Variants in GUCA2A observed in about 807,000 individuals in gnomAD.
GUCA2A encodes the protein guanylin.
In GUCA2A, 17 loss-of-function variants were observed where a neutral mutation model predicts 11.2. That is an observed-to-expected ratio of 1.52 (90% CI 1.04 to 2.28). The LOEUF is 2.28. Among genes scored for constraint, GUCA2A ranks in the 30% most tolerant of loss-of-function variants. The pLI is 0.00. For synonymous variants in GUCA2A, 64 were observed against 57.1 expected (o/e 1.12, Z -0.54); for missense variants, 173 against 139.3 (o/e 1.24, Z -1.22).
chr1:42,163,082 G>A, intron 2 of GUCA2A, 112 bp from the exon 3 acceptor site: 2 of 849,504 alleles, frequency 2.4e-6, no homozygotes, highest in Non-Finnish European at 3.9e-6. Flanking sequence ...ATCTCAGCAG[G>A]CCCGTACTCT....
At position 42,164,722 on chromosome 1, in the gene GUCA2A, G is replaced by A. The variant is rs1475968979; in HGVS notation, c.-10C>T. The A allele has an allele frequency of 1.3e-6, 2 of 1,523,466 alleles. No individual in the cohort carries two copies. Among genetic ancestry groups the A allele is most frequent in the South Asian group, 2.4e-5 (2 of 83,632 alleles). The allele number at this position is 1,523,466 out of a possible 1,614,324, so 94.4% of individuals were successfully genotyped here. A position where few individuals can be genotyped will look rare whatever the true frequency, so the allele number is the denominator to read the frequency against. On this transcript the variant is annotated 5_prime_UTR_variant, in exon 1 of 3. Coordinates refer to ENST00000357001, the MANE Select transcript of GUCA2A (RefSeq NM_033553.3). ...GCAGGAAGGCATTCATGGCAGCAGT[G>A]CCCGAGAGAGGGGTGGCTGTTCTGG...
intron 1 of GUCA2A, among the ~76,000 whole-genome samples, 183 bp downstream of exon 1, chr1:42,164,455 T>A (rs1488027869): frequency 6.6e-6 from 1 of 152,214 alleles, no homozygotes; most frequent in Non-Finnish European, 1.5e-5. Context: ...GGTTTCTTTC[T>A]CCTCCAAAGT....
Position 42,163,538 on chromosome 1 carries a change from C to A in GUCA2A, c.148G>T (p.Val50Phe), listed in dbSNP as rs368412585. 1 of 1,613,838 alleles carries A rather than the reference C, an allele frequency of 6.2e-7. No homozygotes were observed. The highest frequency in any genetic ancestry group is 1.1e-5 in the South Asian group (1 of 91,064). ...KDLQEPQEPR[V>F]GKLRNFAPIP... ...GGTGCAAAGTTCCTGAGTTTCCCAA[C>A]CCTGGGCTCCTGGGGCTCCTGGAGG... Residue 50 changes from valine to phenylalanine, a missense_variant, in exon 2 of 3, where the codon GTT becomes TTT. Val to Phe is a conservative substitution (Grantham distance 50). Coordinates refer to ENST00000357001, the MANE Select transcript of GUCA2A (RefSeq NM_033553.3).
chr1:42,163,737 G>A (rs993934864), intron 1 of GUCA2A, 127 bp from the exon 2 acceptor site: 93 of 638,894 alleles, frequency 1.5e-4, no homozygotes, highest in Admixed American at 5.7e-5. Context: ...GGAGCCAGGC[G>A]ATCCACAGTG....
In GUCA2A at chr1:42,163,514, G is replaced by C. The variant is rs773944668; in HGVS notation, c.172C>G (p.Pro58Ala). The C allele has an allele frequency of 6.2e-7, 1 of 1,613,424 alleles. No individual in the cohort carries two copies. The highest frequency in any genetic ancestry group is 8.5e-7 in the Non-Finnish European group (1 of 1,179,320). Residue 58 changes from proline (P) to alanine (A), a missense_variant, in exon 2 of 3, where the codon CCC becomes GCC. Transcript: ENST00000357001. ...PRVGKLRNFA[P>A]IPGEPVVPIL... ...GGAACCACAGGTTCACCAGGGATGG[G>C]TGCAAAGTTCCTGAGTTTCCCAACC...
At chr1:42,163,113 C>A in intron 2 of GUCA2A, 143 bp from the exon 3 acceptor site, 2 of 696,764 alleles carry the variant, frequency 2.9e-6, no homozygotes, top group Non-Finnish European at 2.5e-6. Context: ...GCTTTTCGCC[C>A]CAAACCAGGG....
intron 2 of GUCA2A, 45 bp downstream of exon 2, chr1:42,163,358 A>T (rs1324440562): frequency 1.6e-6 from 2 of 1,242,808 alleles, no homozygotes; most frequent in East Asian, 2.3e-5. Context: ...GTGCCACCAC[A>T]GTATTCCCGA....
At position 42,162,902 on chromosome 1, in the gene GUCA2A, C is replaced by T. The variant is rs760554863; in HGVS notation, c.*4G>A. On this transcript the variant is annotated 3_prime_UTR_variant, in exon 3 of 3. Coordinates refer to ENST00000357001, the MANE Select transcript of GUCA2A (RefSeq NM_033553.3). ...GAGGGGAGGCAGGCAGTGGGCAAGC[C>T]CCCCTAGCATCCGGTACAGGCAGCG... The T allele has an allele frequency of 6.2e-7, 1 of 1,611,750 alleles. No homozygotes were observed. Among genetic ancestry groups the T allele is most frequent in the East Asian group, 2.2e-5 (1 of 44,858 alleles).
At chr1:42,163,774 C>A (rs1289504342) in intron 1 of GUCA2A, among the ~76,000 whole-genome samples, 164 bp from the exon 2 acceptor site, 1 of 152,186 alleles carries the variant, frequency 6.6e-6, no homozygotes, top group Non-Finnish European at 1.5e-5. Context: ...AGAGTTCAGG[C>A]CCCACGTCCT....
intron 1 of GUCA2A, among the ~76,000 whole-genome samples, chr1:42,164,187 T>G (rs1046330502): frequency 6.6e-6 from 1 of 152,222 alleles, no homozygotes; most frequent in Non-Finnish European, 1.5e-5. Flanking sequence ...GTCCATGTGG[T>G]TCCTGGGACC....
In GUCA2A at chr1:42,164,666, G is replaced by A. The variant is rs537495794; in HGVS notation, c.47C>T (p.Ala16Val). 7 of 1,550,812 alleles carry A rather than the reference G, an allele frequency of 4.5e-6. No individual in the cohort carries two copies. The African/African-American group carries it at 5.5e-5, about 12-fold the overall frequency. ...CACGGTGACCCCTCCTGCCAAGGCGGCCCAGGCCCCAAGGAGGCACAGTGC... is the reference window on the plus strand; with the variant it reads ...CACGGTGACCCCTCCTGCCAAGGCGACCCAGGCCCCAAGGAGGCACAGTGC... The part of the protein sequence containing the change: ...LSALCLLGAW[A>V]ALAGGVTVQD... The change falls in exon 1 of 3, where the codon GCC becomes GTC. Residue 16 changes from alanine to valine, a missense_variant. Coordinates refer to ENST00000357001, the MANE Select transcript of GUCA2A (RefSeq NM_033553.3).
At position 42,163,387 on chromosome 1, in the gene GUCA2A, GA is replaced by G; in HGVS notation, c.283+15del. The G allele has an allele frequency of 6.5e-7, 1 of 1,530,192 alleles. No individual in the cohort carries two copies. Among genetic ancestry groups the G allele is most frequent in the Non-Finnish European group, 9.1e-7 (1 of 1,103,768 alleles). The allele number at this position is 1,530,192 out of a possible 1,614,324, so 94.8% of individuals were successfully genotyped here. On this transcript the variant is annotated intron_variant, in intron 2 of 2. Coordinates refer to ENST00000357001, the MANE Select transcript of GUCA2A (RefSeq NM_033553.3). The stretch of plus-strand genomic sequence containing the variant: ...TTCCCGAACCCCACCAATCAGAGAG[GA>G]AGGAGGCTGCTCACCCAGCCTCTGA...
chr1:42,163,615 AAG>A lies in GUCA2A; in HGVS notation c.76-7_76-6del. ...AGAAAAGGAGAAATTTCCATCCTGG[AAG>A]AGAGAAGCCCAGAGCATGAGGCCAG... On this transcript the variant is annotated splice_region_variant and splice_polypyrimidine_tract_variant and intron_variant, in intron 1 of 2. Transcript: ENST00000357001. 1 of 1,600,830 alleles carries A rather than the reference AAG, an allele frequency of 6.2e-7. No homozygotes were observed. Among genetic ancestry groups the A allele is most frequent in the Non-Finnish European group, 8.5e-7 (1 of 1,170,236 alleles).
chr1:42,162,942 A>G lies in GUCA2A; in HGVS notation c.312T>C (p.Cys104=), dbSNP rs554707455. Residue 104 remains cysteine, a synonymous_variant, in exon 3 of 3, where the codon TGT becomes TGC. Transcript: ENST00000357001. ...TACAGGCAGCGTAGGCACAGATTTC[A>G]CATGTGCCCGGGTCCTCAGCGATTT... ...LEEIAEDPGT[C]EICAYAACTG... is the part of the protein sequence containing the mutation. 2 of 1,613,660 alleles carry G rather than the reference A, an allele frequency of 1.2e-6. No homozygotes were observed. Among genetic ancestry groups the G allele is most frequent in the South Asian group, 2.2e-5 (2 of 91,070 alleles).
rs182438227 is a variant in GUCA2A, at chr1:42,162,952, G to C, written c.302C>G (p.Pro101Arg). Residue 101 changes from proline (P) to arginine (R), a missense_variant, in exon 3 of 3, where the codon CCG becomes CGG. By Grantham distance (103) the Pro-to-Arg change is moderately radical (BLOSUM62 -2). Transcript: ENST00000357001. The part of the protein sequence containing the change: ...LQRLEEIAED[P>R]GTCEICAYAA... ...GTAGGCACAGATTTCACATGTGCCCGGGTCCTCAGCGATTTCCTCTGCACA... is the reference window on the plus strand; with the variant it reads ...GTAGGCACAGATTTCACATGTGCCCCGGTCCTCAGCGATTTCCTCTGCACA... 1.2e-6 allele frequency: 2 copies of C among 1,613,702 alleles called. No individual in the cohort carries two copies. The highest frequency in any genetic ancestry group is 1.7e-6 in the Non-Finnish European group (2 of 1,179,682).
rs150306931 is a variant in GUCA2A at position 42,163,634 on chromosome 1, T to C, written c.76-24A>G. 2.1e-4 allele frequency: 318 copies of C among 1,538,246 alleles called. 1 individual carries two copies. In the African/African-American group the frequency reaches 2.8e-3, roughly 14 times the overall value. On this transcript the variant is annotated intron_variant, in intron 1 of 2. Coordinates refer to ENST00000357001, the MANE Select transcript of GUCA2A (RefSeq NM_033553.3). ...TCCTGGAAGAGAGAAGCCCAGAGCA[T>C]GAGGCCAGGCTGCAGCCTGCTTCCT...
rs1569701120 is a variant in GUCA2A, at chr1:42,163,410, C to T, written c.276G>A (p.Gln92=). The change falls in exon 2 of 3, where the codon CAG becomes CAA. Residue 92 remains glutamine (Q), a synonymous_variant. Coordinates refer to ENST00000357001, the MANE Select transcript of GUCA2A (RefSeq NM_033553.3). ...CKEPNAQEIL[Q]RLEEIAEDPG... ...AGGAAGGAGGCTGCTCACCCAGCCT[C>T]TGAAGTATCTCCTGGGCATTGGGCT... The T allele has an allele frequency of 1.2e-6, 2 of 1,609,544 alleles. No individual in the cohort carries two copies. The highest frequency in any genetic ancestry group is 1.7e-6 in the Non-Finnish European group (2 of 1,175,820).
In GUCA2A at chr1:42,164,637, C is replaced by A; in HGVS notation, c.75+1G>T. On this transcript the variant is annotated splice_donor_variant, in intron 1 of 2. Coordinates refer to ENST00000357001, the MANE Select transcript of GUCA2A (RefSeq NM_033553.3). LOFTEE classifies it high-confidence loss of function. Reference sequence around the variant, plus strand: ...GGCCGGGGTAGGGACACAGGACTCACCTGCACGGTGACCCCTCCTGCCAAG... The same window carrying A: ...GGCCGGGGTAGGGACACAGGACTCAACTGCACGGTGACCCCTCCTGCCAAG... The A allele has an allele frequency of 6.5e-7, 1 of 1,541,306 alleles. No homozygotes were observed. The highest frequency in any genetic ancestry group is 8.8e-7 in the Non-Finnish European group (1 of 1,138,490).
chr1:42,162,961 G>T lies in GUCA2A; in HGVS notation c.293C>A (p.Ala98Asp). The T allele has an allele frequency of 6.2e-7, 1 of 1,613,618 alleles. No individual in the cohort carries two copies. The highest frequency in any genetic ancestry group is 8.5e-7 in the Non-Finnish European group (1 of 1,179,586). Reference sequence around the variant, plus strand: ...GATTTCACATGTGCCCGGGTCCTCAGCGATTTCCTCTGCACAACAGAGATG... The same window carrying T: ...GATTTCACATGTGCCCGGGTCCTCATCGATTTCCTCTGCACAACAGAGATG... ...QEILQRLEEI[A>D]EDPGTCEICA... Residue 98 changes from alanine (A) to aspartate (D), a missense_variant, in exon 3 of 3, where the codon GCT (alanine) becomes GAT (aspartate). By Grantham distance (126) the Ala-to-Asp change is moderately radical. Transcript: ENST00000357001.
Sources: gnomAD v4.1 joint callset for allele counts (sites outside exome capture counted in the v4.1 genomes callset) on GRCh38, gnomAD v4.1.1 for gene constraint, MANE v1.5 for transcripts, NCBI Gene and HGNC (gene_info 2026-07-23, HGNC 2026-07-21) for gene names.